Variants in ADAMTSL1 observed in about 807,000 individuals in gnomAD.
ADAMTSL1 encodes ADAMTS-like protein 1.
ADAMTSL1 carries 126 observed loss-of-function variants against 201.8 expected under a neutral mutation model. The ratio of observed to expected loss-of-function variants is 0.62; its 90% confidence interval spans 0.54 to 0.72. The LOEUF (loss-of-function observed/expected upper bound fraction) is 0.72. Ranked by LOEUF, ADAMTSL1 falls within the 30% of genes least tolerant of loss-of-function variation. The probability of loss-of-function intolerance (pLI) is 0.00; values close to 1 mark genes in which losing one functional copy is unlikely to be tolerated. For synonymous variants in ADAMTSL1, 1,121 were observed against 903.4 expected (o/e 1.24, Z -4.32); for missense variants, 2,679 against 2,277.8 (o/e 1.18, Z -3.59).
At chr9:17,913,203 T>A (rs990140105) in intron 1 of ADAMTSL1, among the ~76,000 whole-genome samples, 5 of 152,164 alleles carry the variant, frequency 3.3e-5, no homozygotes, top group African/African-American at 4.8e-5. Context: ...CCATATGAAC[T>A]TTAAAGTAGT....
intron 7 of ADAMTSL1, among the ~76,000 whole-genome samples, chr9:18,649,170 T>C (rs1168356840): frequency 6.6e-6 from 1 of 152,262 alleles, no homozygotes. Flanking sequence ...TTTCTTCCAG[T>C]TGATTGCATC....
intron 2 of ADAMTSL1, among the ~76,000 whole-genome samples, chr9:18,196,449 G>A (rs1477917476): frequency 6.6e-6 from 1 of 152,030 alleles, no homozygotes; most frequent in East Asian, 1.9e-4. Context: ...GGCTGTTGCA[G>A]CCAACCAACC....
intron 15 of ADAMTSL1, among the ~76,000 whole-genome samples, chr9:18,731,967 G>A (rs140028105): frequency 6.3e-4 from 96 of 152,168 alleles, no homozygotes; most frequent in Middle Eastern, 3.4e-3. Flanking sequence ...TATGATATTC[G>A]GGCAGGACAA....
At chr9:17,966,296 C>A (rs1298309488) in intron 1 of ADAMTSL1, among the ~76,000 whole-genome samples, 1 of 152,114 alleles carries the variant, frequency 6.6e-6, no homozygotes, top group Non-Finnish European at 1.5e-5. Flanking sequence ...TTTACTTGCT[C>A]ATTTACTTTT....
At chr9:18,197,043 C>A (rs1041313902) in intron 2 of ADAMTSL1, among the ~76,000 whole-genome samples, 1 of 152,120 alleles carries the variant, frequency 6.6e-6, no homozygotes. Flanking sequence ...CTGCATTTAT[C>A]TGATTGTATA....
intron 2 of ADAMTSL1, among the ~76,000 whole-genome samples, chr9:18,425,717 C>G (rs901031907): frequency 6.6e-6 from 1 of 151,452 alleles, no homozygotes; most frequent in Non-Finnish European, 1.5e-5. Flanking sequence ...AATAGCTGAG[C>G]AGGTGGTGCA....
rs533859453 is a variant in ADAMTSL1 at position 18,290,089 on chromosome 9, A to G, written c.207+126108A>G. Among the ~76,000 whole-genome samples the G allele has an allele frequency of 6.9e-4, 105 of 152,274 alleles. No homozygotes were observed. In the South Asian group the frequency reaches 0.02, roughly 29 times the overall value. ...ACCAAAAAGACTGGACTGTTTGGGA[A>G]CCTTAATCATCAAGGGATATAAGAA... On this transcript the variant is annotated intron_variant, in intron 2 of 29. Transcript: ENST00000680146.
At chr9:18,838,431 C>G (rs924884166) in intron 23 of ADAMTSL1, among the ~76,000 whole-genome samples, 10 of 149,912 alleles carry the variant, frequency 6.7e-5, no homozygotes, top group Non-Finnish European at 1.5e-5. Context: ...AGAAATTGTC[C>G]TCAGGAAGGT....
intron 23 of ADAMTSL1, among the ~76,000 whole-genome samples, chr9:18,854,487 G>T (rs1460236361): frequency 6.6e-6 from 1 of 152,158 alleles, no homozygotes; most frequent in East Asian, 1.9e-4. Flanking sequence ...GAGGAACCAG[G>T]TAGTTGAGGG....
At chr9:18,385,661 T>G (rs1298506422) in intron 2 of ADAMTSL1, among the ~76,000 whole-genome samples, 1 of 152,224 alleles carries the variant, frequency 6.6e-6, no homozygotes, top group Non-Finnish European at 1.5e-5. Context: ...CAGTTTTAAC[T>G]TCAGCTATGA....
At position 18,770,700 on chromosome 9, in the gene ADAMTSL1, T is replaced by C. The variant is rs1820641906; in HGVS notation, c.2316T>C (p.Cys772=). ...GSFLELPETF[C]SASKPACQQA... ...TCCTGGAGCTTCCTGAGACCTTCTG[T>C]TCAGCTTCAAAACCTGCCTGCCAGC... Residue 772 remains cysteine, a synonymous_variant, in exon 17 of 29, where the codon TGT becomes TGC. Coordinates refer to ENST00000380548, the MANE Select transcript of ADAMTSL1 (RefSeq NM_001040272.6). 1.1e-5 allele frequency: 18 copies of C among 1,613,714 alleles called. No individual in the cohort carries two copies. Among genetic ancestry groups the C allele is most frequent in the Non-Finnish European group, 1.4e-5 (17 of 1,179,856 alleles).
intron 16 of ADAMTSL1, among the ~76,000 whole-genome samples, chr9:18,760,107 AC>A (rs1280117258): frequency 6.6e-6 from 1 of 151,986 alleles, no homozygotes; most frequent in Non-Finnish European, 1.5e-5. Flanking sequence ...TCCCCCATTA[AC>A]CTGGTCTTTC....
chr9:18,354,280 T>C (rs2133043077), intron 2 of ADAMTSL1, among the ~76,000 whole-genome samples: 1 of 152,018 alleles, frequency 6.6e-6, no homozygotes, highest in Non-Finnish European at 1.5e-5. Context: ...ATTTGAAAGG[T>C]TTTGATAATA....
At chr9:18,333,610 A>G (rs1385792103) in intron 2 of ADAMTSL1, among the ~76,000 whole-genome samples, 1 of 152,198 alleles carries the variant, frequency 6.6e-6, no homozygotes, top group African/African-American at 2.4e-5. Flanking sequence ...ATGATAGTAC[A>G]GTAAAAAGTT....
chr9:18,164,589 T>C (rs1827551666), intron 2 of ADAMTSL1, among the ~76,000 whole-genome samples: 1 of 151,766 alleles, frequency 6.6e-6, no homozygotes, highest in Non-Finnish European at 1.5e-5. Flanking sequence ...TTGTGAGAAT[T>C]GGACAGACAA....
Position 17,910,965 on chromosome 9 carries a change from G to C in ADAMTSL1, c.87+4043G>C, listed in dbSNP as rs931940527. ...TCAATACATGAAGGTATAACAAACA[G>C]ACCTCCCGTGTAGATACTGTAGCTA... On this transcript the variant is annotated intron_variant, in intron 1 of 29. Transcript: ENST00000680146. 2.5e-4 allele frequency among the ~76,000 whole-genome samples: 17 copies of C among 68,668 alleles called. 7 individuals are homozygous for C. Among genetic ancestry groups the C allele is most frequent in the Non-Finnish European group, 6.7e-4 (15 of 22,434 alleles). 45.0% of individuals were successfully genotyped at this position (68,668 alleles called of 152,430 possible).
intron 7 of ADAMTSL1, among the ~76,000 whole-genome samples, chr9:18,644,867 T>C (rs1827688858): frequency 6.6e-6 from 1 of 151,982 alleles, no homozygotes; most frequent in Non-Finnish European, 1.5e-5. Context: ...TGTGTCTTTA[T>C]AGCAGCATGA....
rs1210584772 is a variant in ADAMTSL1 at position 18,905,792 on chromosome 9, C to T, written c.4862C>T (p.Pro1621Leu). The change falls in exon 27 of 29, where the codon CCT becomes CTT. Residue 1621 changes from proline (P) to leucine (L), a missense_variant. Coordinates refer to ENST00000380548, the MANE Select transcript of ADAMTSL1 (RefSeq NM_001040272.6). ...TTTTCTGCTTTCCAGTGCAATGGGCCTTGCATCGGGCCTCACCTAGCTGTG... is the reference window on the plus strand; with the variant it reads ...TTTTCTGCTTTCCAGTGCAATGGGCTTTGCATCGGGCCTCACCTAGCTGTG... ...AFSSWGQCNGPCIGPHLAVQH... is the reference protein window; with the variant it reads ...AFSSWGQCNGLCIGPHLAVQH... 1.2e-6 allele frequency: 2 copies of T among 1,613,002 alleles called. No homozygotes were observed. Among genetic ancestry groups the T allele is most frequent in the African/African-American group, 2.7e-5 (2 of 75,040 alleles).
At chr9:18,032,540 A>G (rs1189716369) in intron 1 of ADAMTSL1, among the ~76,000 whole-genome samples, 3 of 152,102 alleles carry the variant, frequency 2.0e-5, no homozygotes, top group African/African-American at 4.8e-5. Context: ...GATCAGATGC[A>G]CCTTAGTACC....
Sources: gnomAD v4.1 joint callset for allele counts (sites outside exome capture counted in the v4.1 genomes callset) on GRCh38, gnomAD v4.1.1 for gene constraint, MANE v1.5 for transcripts, NCBI Gene and HGNC (gene_info 2026-07-23, HGNC 2026-07-21) for gene names.